S100Z: variants seen among roughly 807,000 people sequenced by gnomAD.
S100Z encodes the protein S100 calcium binding protein Z, also known as protein S100-Z.
Under a neutral mutation model 8.5 loss-of-function variants are expected in S100Z, and 11 were observed. That is an observed-to-expected ratio of 1.30 (90% CI 0.82 to 2.15). The LOEUF (loss-of-function observed/expected upper bound fraction) is 2.15, where lower values mean the gene tolerates loss of function less well. Ranked by LOEUF, S100Z falls within the 30% of genes most tolerant of loss-of-function variation. S100Z has a pLI of 0.00. For synonymous variants in S100Z, 34 were observed against 43.8 expected, an observed-to-expected ratio of 0.78 and a Z score of 0.89; for missense variants, 126 against 117.9, an observed-to-expected ratio of 1.07 and a Z score of -0.32.
At chr5:76,917,841 GA>G (rs1306491816) in intron 4 of S100Z, among the ~76,000 whole-genome samples, 1 of 138,420 alleles carries the variant, frequency 7.2e-6, no homozygotes, top group Non-Finnish European at 1.6e-5. Context: ...AAAAAAATCA[GA>G]AATTGAATAC....
chr5:76,892,464 G>A (rs1462320934), intron 4 of S100Z, among the ~76,000 whole-genome samples: 1 of 152,162 alleles, frequency 6.6e-6, no homozygotes, highest in Non-Finnish European at 1.5e-5. Context: ...CATTTATTAT[G>A]ATGGTGTAAA....
intron 1 of S100Z, among the ~76,000 whole-genome samples, chr5:76,868,524 T>G (rs1742871051): frequency 6.6e-6 from 1 of 152,126 alleles, no homozygotes; most frequent in Non-Finnish European, 1.5e-5. Flanking sequence ...ATAATACTGT[T>G]GAGACCCATA....
intron 4 of S100Z, among the ~76,000 whole-genome samples, chr5:76,881,439 G>A (rs1743398754): frequency 6.6e-6 from 1 of 152,178 alleles, no homozygotes; most frequent in African/African-American, 2.4e-5. Context: ...GTCCTGGGCG[G>A]GGGCAAATCC....
intron 2 of S100Z, among the ~76,000 whole-genome samples, chr5:76,870,633 C>T (rs190408362): frequency 1.3e-5 from 2 of 151,774 alleles, no homozygotes; most frequent in Admixed American, 6.6e-5. Flanking sequence ...GTGGACAGTC[C>T]GAATTGAGTT....
At chr5:76,855,127 C>T (rs1324110693) in intron 1 of S100Z, among the ~76,000 whole-genome samples, 2 of 152,206 alleles carry the variant, frequency 1.3e-5, no homozygotes, top group East Asian at 3.9e-4. Flanking sequence ...CCTGTGTGTC[C>T]AGGCAGAAGA....
the S100Z span, among the ~76,000 whole-genome samples, chr5:76,930,943 C>T: frequency 6.6e-6 from 1 of 152,080 alleles, no homozygotes; most frequent in Non-Finnish European, 1.5e-5. Context: ...TAAATCAATT[C>T]GAGAGCAGCC....
At chr5:76,865,422 T>C (rs892777513) in intron 1 of S100Z, among the ~76,000 whole-genome samples, 12 of 151,656 alleles carry the variant, frequency 7.9e-5, no homozygotes, top group African/African-American at 2.4e-4. Flanking sequence ...TTTTTTTGTA[T>C]TTTTAGTAGA....
intron 4 of S100Z, among the ~76,000 whole-genome samples, chr5:76,880,789 A>C (rs891387775): frequency 6.6e-6 from 1 of 152,192 alleles, no homozygotes; most frequent in African/African-American, 2.4e-5. Flanking sequence ...GTCATATACC[A>C]GGCCAGATTG....
At chr5:76,915,709 T>C (rs947100684) in intron 4 of S100Z, among the ~76,000 whole-genome samples, 3 of 152,102 alleles carry the variant, frequency 2.0e-5, no homozygotes, top group South Asian at 2.1e-4. Flanking sequence ...TAAATGTAAA[T>C]GGTTTAACTA....
At chr5:76,858,354 C>T (rs1750944075) in intron 1 of S100Z, among the ~76,000 whole-genome samples, 2 of 152,120 alleles carry the variant, frequency 1.3e-5, no homozygotes, top group Admixed American at 6.5e-5. Context: ...GAAACCCCGC[C>T]TCTATTAAAA....
intron 4 of S100Z, among the ~76,000 whole-genome samples, chr5:76,897,350 G>A (rs1178225843): frequency 6.6e-6 from 1 of 152,020 alleles, no homozygotes; most frequent in East Asian, 1.9e-4. Flanking sequence ...GGCTGAGGCA[G>A]GAGAATGGTG....
intron 2 of S100Z, among the ~76,000 whole-genome samples, chr5:76,873,071 G>A: frequency 6.6e-6 from 1 of 152,084 alleles, no homozygotes; most frequent in East Asian, 1.9e-4. Flanking sequence ...TAGACTAATG[G>A]GGAAAATGCA....
chr5:76,930,323 G>A, the S100Z span, among the ~76,000 whole-genome samples: 1 of 152,220 alleles, frequency 6.6e-6, no homozygotes, highest in Non-Finnish European at 1.5e-5. Context: ...GCGTGGGCAG[G>A]TCTGGCAACA....
At chr5:76,900,537 T>C (rs550791670) in intron 4 of S100Z, among the ~76,000 whole-genome samples, 14 of 152,356 alleles carry the variant, frequency 9.2e-5, no homozygotes, top group African/African-American at 3.4e-4. Context: ...TTCTTTAGTA[T>C]GCCAATTGCA....
At chr5:76,876,864 T>A (rs1278433662) in intron 3 of S100Z, among the ~76,000 whole-genome samples, 1 of 152,174 alleles carries the variant, frequency 6.6e-6, no homozygotes, top group South Asian at 2.1e-4. Context: ...AATGAACTGC[T>A]TTTGGAAACA....
At chr5:76,911,960 G>A (rs938780791) in intron 4 of S100Z, among the ~76,000 whole-genome samples, 111 of 152,330 alleles carry the variant, frequency 7.3e-4, no homozygotes, top group African/African-American at 2.5e-3. Flanking sequence ...ATCACAGAGA[G>A]TGCAGGGCTA....
the S100Z span, chr5:76,952,628 AT>A: frequency 6.6e-6 from 1 of 152,654 alleles, no homozygotes; most frequent in African/African-American, 2.4e-5. Context: ...AATTTCTAGC[AT>A]GGTTTCATCC....
chr5:76,853,781 TG>T (rs1473703401), intron 1 of S100Z, among the ~76,000 whole-genome samples: 1 of 148,936 alleles, frequency 6.7e-6, no homozygotes, highest in East Asian at 2.0e-4. Flanking sequence ...TGGGTGACAG[TG>T]CAAGACTCCA....
chr5:76,905,075 G>A (rs1050261777), intron 4 of S100Z, among the ~76,000 whole-genome samples: 33 of 152,112 alleles, frequency 2.2e-4, no homozygotes, highest in African/African-American at 7.7e-4. Context: ...CCTCTAGTGG[G>A]TAGAGGCCAG....
Sources: gnomAD v4.1 joint callset for allele counts (sites outside exome capture counted in the v4.1 genomes callset) on GRCh38, gnomAD v4.1.1 for gene constraint, MANE v1.5 for transcripts, NCBI Gene and HGNC (gene_info 2026-07-23, HGNC 2026-07-21) for gene names.